TEX9: variants seen among roughly 807,000 people sequenced by gnomAD.
TEX9 encodes testis-expressed protein 9.
Under a neutral mutation model 59.6 loss-of-function variants are expected in TEX9, and 74 were observed. The ratio of observed to expected loss-of-function variants is 1.24; its 90% confidence interval spans 1.03 to 1.51. The LOEUF (loss-of-function observed/expected upper bound fraction) is 1.51. TEX9 is among the 40% of genes most tolerant of loss of function. TEX9 has a pLI of 0.00. For synonymous variants in TEX9, 186 were observed against 152.2 expected, an observed-to-expected ratio of 1.22 and a Z score of -1.64; for missense variants, 522 against 447.8, an observed-to-expected ratio of 1.17 and a Z score of -1.49.
chr15:56,295,894 C>CT (rs1315381138), intron 1 of TEX9, among the ~76,000 whole-genome samples: 1 of 152,154 alleles, frequency 6.6e-6, no homozygotes, highest in Non-Finnish European at 1.5e-5. Flanking sequence ...GGGGCTGAAT[C>CT]TTTTTTCCTA....
Position 56,365,476 on chromosome 15 carries a change from C to T in TEX9, c.26C>T (p.Thr9Met), listed in dbSNP as rs992726059. 4 of 1,614,048 alleles carry T rather than the reference C, an allele frequency of 2.5e-6. No homozygotes were observed. The highest frequency in any genetic ancestry group is 1.3e-5 in the African/African-American group (1 of 75,048). The change falls in exon 1 of 13, where the codon ACG becomes ATG. Residue 9 changes from threonine to methionine, a missense_variant and splice_region_variant. By Grantham distance (81) the Thr-to-Met change is moderately conservative (BLOSUM62 -1). Coordinates refer to ENST00000352903, the Ensembl canonical transcript of TEX9. ...ATGGCGGGGCGAAGTCTGTGTCTCA[C>T]GGTCAGTTCAACTCCAGGCTCCTGG...
intron 4 of TEX9, 51 bp downstream of exon 4, chr15:56,384,082 TCG>T: frequency 7.1e-7 from 1 of 1,406,084 alleles, no homozygotes; most frequent in Non-Finnish European, 9.9e-7. Context: ...TGTACATGGA[TCG>T]TTATGTAAGA....
intron 1 of TEX9, chr15:56,323,773 G>T: frequency 6.0e-6 from 1 of 165,676 alleles, no homozygotes. Context: ...GAGAAGGAGA[G>T]GGAGGGGGAG....
intron 4 of TEX9, among the ~76,000 whole-genome samples, chr15:56,384,336 A>G (rs1165631174): frequency 1.3e-5 from 2 of 152,204 alleles, no homozygotes; most frequent in African/African-American, 4.8e-5. Context: ...ATCACCAAAC[A>G]TTCCAAGTCT....
chr15:56,360,371 G>A (rs970203420), intron 1 of TEX9, among the ~76,000 whole-genome samples: 1 of 152,086 alleles, frequency 6.6e-6, no homozygotes, highest in Admixed American at 6.5e-5. Flanking sequence ...TTTCTTTCTT[G>A]GAAGGTTATT....
downstream of TEX9, chr15:56,446,786 C>CT (rs1382709831): frequency 2.0e-5 from 27 of 1,320,358 alleles, no homozygotes; most frequent in East Asian, 6.0e-4. Flanking sequence ...AGAAACAAGT[C>CT]TAATTTTTAT....
chr15:56,443,935 C>G (rs1454768131), intron 12 of TEX9: 1 of 1,063,536 alleles, frequency 9.4e-7, no homozygotes, highest in African/African-American at 1.6e-5. Flanking sequence ...TAATAATGTA[C>G]AGAAAAACAC....
At chr15:56,423,782 T>C (rs1212768268) in intron 10 of TEX9, among the ~76,000 whole-genome samples, 1 of 152,176 alleles carries the variant, frequency 6.6e-6, no homozygotes, top group Non-Finnish European at 1.5e-5. Context: ...TTTTCTTTAT[T>C]ATTTCAATCG....
At chr15:56,443,635 T>C (rs1368295220) in intron 12 of TEX9, 1 of 1,610,224 alleles carries the variant, frequency 6.2e-7, no homozygotes, top group South Asian at 1.1e-5. Flanking sequence ...GTTATTTTAA[T>C]ACCGCATTCT....
chr15:56,381,723 G>T (rs1350235916), intron 3 of TEX9, among the ~76,000 whole-genome samples: 1 of 152,170 alleles, frequency 6.6e-6, no homozygotes, highest in African/African-American at 2.4e-5. Flanking sequence ...CTTTCTCTCT[G>T]TGCTGAGCTG....
At chr15:56,409,464 C>G (rs1331089712) in intron 9 of TEX9, among the ~76,000 whole-genome samples, 1 of 151,918 alleles carries the variant, frequency 6.6e-6, no homozygotes, top group South Asian at 2.1e-4. Context: ...CTTCATTGTT[C>G]TTATTATCTG....
chr15:56,428,366 G>C lies in TEX9; in HGVS notation c.1099-1G>C, dbSNP rs1201869303. The stretch of plus-strand genomic sequence containing the variant: ...GACAATATTGATTTTTTTTTTAACA[G>C]ATGCATATTGAAGCTGCCAAGATGC... On this transcript the variant is annotated splice_acceptor_variant, in intron 11 of 12. Transcript: ENST00000352903. LOFTEE classifies it high-confidence loss of function. 6.2e-7 allele frequency: 1 copy of C among 1,607,094 alleles called. No homozygotes were observed. Among genetic ancestry groups the C allele is most frequent in the South Asian group, 1.1e-5 (1 of 90,664 alleles).
intron 1 of TEX9, among the ~76,000 whole-genome samples, chr15:56,260,264 T>A (rs1207570267): frequency 1.3e-5 from 2 of 152,116 alleles, no homozygotes; most frequent in African/African-American, 4.8e-5. Flanking sequence ...TGCAGTGCAA[T>A]GATTAATGCA....
chr15:56,266,988 T>G (rs1292086989), intron 1 of TEX9, among the ~76,000 whole-genome samples: 2 of 152,196 alleles, frequency 1.3e-5, no homozygotes, highest in African/African-American at 4.8e-5. Context: ...CCAGCACCTG[T>G]TGTTTCCTGA....
At chr15:56,459,622 G>T in the TEX9 span, among the ~76,000 whole-genome samples, 1 of 152,092 alleles carries the variant, frequency 6.6e-6, no homozygotes, top group Non-Finnish European at 1.5e-5. Context: ...CTTCAAAATT[G>T]TCAAGGTCAT....
intron 1 of TEX9, among the ~76,000 whole-genome samples, chr15:56,294,821 G>T (rs1251140083): frequency 1.3e-5 from 2 of 152,104 alleles, no homozygotes; most frequent in African/African-American, 4.8e-5. Context: ...TTCACTTAGG[G>T]TTAGCTTAGG....
chr15:56,458,111 C>G, the TEX9 span, among the ~76,000 whole-genome samples: 1 of 152,208 alleles, frequency 6.6e-6, no homozygotes, highest in Non-Finnish European at 1.5e-5. Context: ...AAGCTAATTC[C>G]AAAAGATTAC....
At chr15:56,376,960 C>T (rs2047484329) in intron 3 of TEX9, among the ~76,000 whole-genome samples, 1 of 152,126 alleles carries the variant, frequency 6.6e-6, no homozygotes, top group East Asian at 1.9e-4. Flanking sequence ...TAGTCTTCTT[C>T]TTCTGCATGT....
intron 12 of TEX9, chr15:56,443,293 C>G (rs1487220693): frequency 1.1e-5 from 6 of 553,256 alleles, no homozygotes; most frequent in Non-Finnish European, 1.7e-5. Flanking sequence ...AAATTTCTGT[C>G]TTTTAACTGT....
Sources: gnomAD v4.1 joint callset for allele counts (sites outside exome capture counted in the v4.1 genomes callset) on GRCh38, gnomAD v4.1.1 for gene constraint, MANE v1.5 for transcripts, NCBI Gene and HGNC (gene_info 2026-07-23, HGNC 2026-07-21) for gene names.